Variants in MREG observed in about 807,000 individuals in gnomAD.
The protein encoded by MREG is melanoregulin.
Under a neutral mutation model 28.5 loss-of-function variants are expected in MREG, and 31 were observed. The observed-to-expected ratio is 1.09, with a 90% confidence interval of 0.82 to 1.47. MREG has a LOEUF of 1.47. MREG is among the 40% of genes most tolerant of loss of function. MREG has a pLI of 0.00. For missense variants in MREG, 256 were observed against 257.4 expected (o/e 0.99, Z 0.04); for synonymous variants, 106 against 95.2 (o/e 1.11, Z -0.66).
intron 1 of MREG, among the ~76,000 whole-genome samples, chr2:215,998,186 T>A (rs1693917899): frequency 6.6e-6 from 1 of 151,752 alleles, no homozygotes; most frequent in Non-Finnish European, 1.5e-5. Flanking sequence ...ATGCCTGTAA[T>A]CCCAGCTACT....
At chr2:216,017,227 A>G (rs1032719563), upstream of MREG, among the ~76,000 whole-genome samples, 2 of 152,188 alleles carry the variant, frequency 1.3e-5, no homozygotes, top group Non-Finnish European at 2.9e-5. Flanking sequence ...CTATTTAATA[A>G]TATGTCTTGG....
intron 2 of MREG, among the ~76,000 whole-genome samples, chr2:215,969,851 T>C (rs1693041479): frequency 6.6e-6 from 1 of 152,122 alleles, no homozygotes; most frequent in African/African-American, 2.4e-5. Context: ...GGACTCCCTT[T>C]GTAAGCTTCC....
intron 2 of MREG, among the ~76,000 whole-genome samples, chr2:215,969,042 A>G (rs1460105484): frequency 6.6e-6 from 1 of 152,232 alleles, no homozygotes; most frequent in African/African-American, 2.4e-5. Context: ...TACAGGCGTG[A>G]GCCACTGCAC....
chr2:215,975,008 T>TTTTA (rs143806765), intron 2 of MREG, among the ~76,000 whole-genome samples: 1 of 106,608 alleles, frequency 9.4e-6, no homozygotes, highest in Non-Finnish European at 1.9e-5. Context: ...TTTATATGAA[T>TTTTA]TATATATATA....
At chr2:216,012,255 G>A (rs1694333786) in intron 1 of MREG, among the ~76,000 whole-genome samples, 1 of 152,186 alleles carries the variant, frequency 6.6e-6, no homozygotes, top group African/African-American at 2.4e-5. Context: ...ACGGCCGCAA[G>A]GAGTGTACAC....
In MREG at chr2:215,953,055, C is replaced by G. The variant is rs571543334; in HGVS notation, c.256-5942G>C. Among the ~76,000 whole-genome samples the G allele has an allele frequency of 1.1e-4, 16 of 152,310 alleles. No homozygotes were observed. The South Asian group carries it at 3.3e-3, about 32-fold the overall frequency. ...GCAGATTATCAATAGCACTTTGGAC[C>G]AACCATGATTCATCCCTTAAGGTTG... On this transcript the variant is annotated intron_variant, in intron 2 of 4. Transcript: ENST00000263268.
chr2:215,974,300 T>C (rs1465529317), intron 2 of MREG, among the ~76,000 whole-genome samples: 9 of 152,194 alleles, frequency 5.9e-5, no homozygotes, highest in Admixed American at 3.3e-4. Context: ...TACGGTCTCT[T>C]TCCAGAACAC....
At position 215,943,564 on chromosome 2, in the gene MREG, G is replaced by A. The variant is rs943922137; in HGVS notation, c.*1299C>T. ...CAGATAAAATGCCAAGGGCTTGGCC[G>A]GGCGCGGTGACTCACGCCTGTAATC... is the stretch of plus-strand genomic sequence containing the variant. On this transcript the variant is annotated 3_prime_UTR_variant, in exon 5 of 5. Coordinates refer to ENST00000263268, the MANE Select transcript of MREG (RefSeq NM_018000.3). The A allele has an allele frequency of 4.4e-6, 2 of 451,234 alleles. No individual in the cohort carries two copies. Among genetic ancestry groups the A allele is most frequent in the South Asian group, 1.6e-5 (1 of 63,694 alleles). The allele number at this position is 451,234 out of a possible 1,614,324, so 28.0% of individuals were successfully genotyped here.
Position 216,030,584 on chromosome 2 carries a change from C to T in MREG, c.-68+2205G>A, listed in dbSNP as rs116219178. Among the ~76,000 whole-genome samples, 985 of 152,008 alleles carry T rather than the reference C, an allele frequency of 6.5e-3. 7 individuals are homozygous for T. Among genetic ancestry groups the T allele is most frequent in the African/African-American group, 0.023 (936 of 41,460 alleles). ...TTTGAGACGGGGTCTCGCCCTGTCACCCAAGCTGGAGTGTAGTGGCACAAT... is the reference window on the plus strand; with the variant it reads ...TTTGAGACGGGGTCTCGCCCTGTCATCCAAGCTGGAGTGTAGTGGCACAAT... On this transcript the variant is annotated intron_variant, in intron 1 of 3. Coordinates refer to the MREG transcript ENST00000420348.
chr2:216,017,162 T>G (rs1009168490), upstream of MREG, among the ~76,000 whole-genome samples: 1 of 151,430 alleles, frequency 6.6e-6, no homozygotes, highest in Non-Finnish European at 1.5e-5. Flanking sequence ...TGTTAGTGAG[T>G]TTTGTTTTGT....
intron 1 of MREG, among the ~76,000 whole-genome samples, chr2:216,003,540 C>T (rs1180760849): frequency 6.6e-6 from 1 of 152,300 alleles, no homozygotes; most frequent in African/African-American, 2.4e-5. Context: ...ACATCATCTA[C>T]ATGAGGAAGA....
At chr2:215,976,975 C>T (rs12469920) in intron 2 of MREG, among the ~76,000 whole-genome samples, 43,275 of 152,076 alleles carry the variant, frequency 0.28, 6,338 homozygotes, top group African/African-American at 0.33. Flanking sequence ...CATCAACTAA[C>T]GGGCAAAATA....
At chr2:216,006,302 T>C (rs1694152778) in intron 1 of MREG, among the ~76,000 whole-genome samples, 1 of 152,206 alleles carries the variant, frequency 6.6e-6, no homozygotes, top group Admixed American at 6.5e-5. Context: ...GCTGACTTCT[T>C]ATAAAGAGCT....
intron 2 of MREG, among the ~76,000 whole-genome samples, chr2:215,972,180 A>T (rs1353356293): frequency 6.6e-6 from 1 of 152,216 alleles, no homozygotes; most frequent in Non-Finnish European, 1.5e-5. Context: ...TATTTCTCAG[A>T]TGATGAGGCT....
intron 1 of MREG, among the ~76,000 whole-genome samples, chr2:216,026,464 G>T (rs538217903): frequency 6.6e-6 from 1 of 151,950 alleles, no homozygotes; most frequent in Non-Finnish European, 1.5e-5. Context: ...AGGGTCCAGC[G>T]ATCCTCCCGT....
chr2:216,015,143 G>GCGCGCGTGCGTC (rs1694420923), upstream of MREG, among the ~76,000 whole-genome samples: 1 of 151,960 alleles, frequency 6.6e-6, no homozygotes, highest in Non-Finnish European at 1.5e-5. Context: ...GCGTGCGTCT[G>GCGCGCGTGCGTC]TGCGTGCGTA....
chr2:216,028,190 T>C (rs1559202881), intron 1 of MREG, among the ~76,000 whole-genome samples: 1 of 152,140 alleles, frequency 6.6e-6, no homozygotes, highest in African/African-American at 2.4e-5. Context: ...TTGCAAACCA[T>C]TGAAAGAGAT....
intron 1 of MREG, among the ~76,000 whole-genome samples, chr2:216,030,566 C>G (rs916568473): frequency 6.6e-6 from 1 of 151,328 alleles, no homozygotes; most frequent in African/African-American, 2.4e-5. Flanking sequence ...TTTTTTGAGA[C>G]GGGGTCTCGC....
At chr2:215,974,805 C>CA (rs1193259316) in intron 2 of MREG, among the ~76,000 whole-genome samples, 1 of 141,590 alleles carries the variant, frequency 7.1e-6, no homozygotes, top group Non-Finnish European at 1.5e-5. Context: ...TTCCTAAACA[C>CA]AGACACAGAC....
Sources: allele counts gnomAD v4.1 joint callset (sites outside exome capture counted in the v4.1 genomes callset), GRCh38; gene constraint gnomAD v4.1.1; transcripts MANE v1.5; gene names NCBI Gene and HGNC (gene_info 2026-07-23, HGNC 2026-07-21).